Variants in RNF216 observed in about 807,000 individuals in gnomAD.
The protein encoded by RNF216 is ring finger protein 216.
Under a neutral mutation model 110.8 loss-of-function variants are expected in RNF216, and 72 were observed. The observed-to-expected ratio is 0.65, with a 90% confidence interval of 0.54 to 0.79. The LOEUF (loss-of-function observed/expected upper bound fraction) is 0.79, where lower values mean the gene tolerates loss of function less well. Ranked by LOEUF, RNF216 falls within the 30% of genes least tolerant of loss-of-function variation. The probability of loss-of-function intolerance (pLI) is 0.00; values close to 1 mark genes in which losing one functional copy is unlikely to be tolerated. For synonymous variants in RNF216, 495 were observed against 407.5 expected (o/e 1.21, Z -2.59); for missense variants, 1,342 against 1,141.2 (o/e 1.18, Z -2.54).
intron 1 of RNF216, among the ~76,000 whole-genome samples, chr7:5,763,594 C>A (rs1421818551): frequency 2.0e-5 from 3 of 151,958 alleles, no homozygotes; most frequent in African/African-American, 7.2e-5. Flanking sequence ...TCTTTTTGAG[C>A]CAGTCTCTCT....
chr7:5,743,218 T>C (rs1291926183), intron 3 of RNF216, among the ~76,000 whole-genome samples: 1 of 152,008 alleles, frequency 6.6e-6, no homozygotes, highest in African/African-American at 2.4e-5. Context: ...GCCAAGATGG[T>C]ACCACAGCAC....
intron 7 of RNF216, among the ~76,000 whole-genome samples, chr7:5,728,840 G>C (rs192170596): frequency 6.6e-6 from 1 of 152,208 alleles, no homozygotes; most frequent in Non-Finnish European, 1.5e-5. Context: ...CTGCTGGTGC[G>C]TGCGCTCCTG....
rs554768141 is a variant in RNF216, at chr7:5,710,329, C to T, written c.2061+1432G>A. On this transcript the variant is annotated intron_variant, in intron 13 of 16. Transcript: ENST00000389902. ...GAGCTGAGATCGTGCCACTGCACTC[C>T]AGCCTGGGCAACAGAGTGAGACCCT... Among the ~76,000 whole-genome samples, 52 of 151,106 alleles carry T rather than the reference C, an allele frequency of 3.4e-4. 1 individual carries two copies. The South Asian group carries it at 9.8e-3, about 29-fold the overall frequency.
In RNF216 at chr7:5,761,155, G is replaced by C. The variant is rs1195478424; in HGVS notation, c.-69-17C>G. 1.3e-6 allele frequency: 1 copy of C among 740,806 alleles called. No homozygotes were observed. Among genetic ancestry groups the C allele is most frequent in the African/African-American group, 1.9e-5 (1 of 53,866 alleles). The allele number at this position is 740,806 out of a possible 1,614,324, so 45.9% of individuals were successfully genotyped here. On this transcript the variant is annotated splice_polypyrimidine_tract_variant and intron_variant, in intron 1 of 16. Transcript: ENST00000389902. ...TCAAAAGAACTGAAAAGGAAGCAAA[G>C]AGTAACAGTAAGAATGAGGGAGTAT...
intron 1 of RNF216, among the ~76,000 whole-genome samples, chr7:5,768,724 C>T (rs1166052146): frequency 1.3e-5 from 2 of 149,044 alleles, no homozygotes; most frequent in African/African-American, 2.5e-5. Context: ...TGCAGTGGCT[C>T]GATCTTGGCT....
At chr7:5,763,499 A>T (rs1051904610) in intron 1 of RNF216, among the ~76,000 whole-genome samples, 1 of 152,066 alleles carries the variant, frequency 6.6e-6, no homozygotes, top group African/African-American at 2.4e-5. Flanking sequence ...GCGTGGTGGC[A>T]GGCACCTGTA....
intron 14 of RNF216, among the ~76,000 whole-genome samples, chr7:5,649,386 GAA>G (rs34613411): frequency 1.8e-4 from 26 of 146,950 alleles, no homozygotes; most frequent in African/African-American, 3.0e-4. Context: ...GTCTCCAAAG[GAA>G]AAAAAAAAAA....
intron 1 of RNF216, among the ~76,000 whole-genome samples, chr7:5,774,151 T>C (rs1263342159): frequency 6.7e-6 from 1 of 149,698 alleles, no homozygotes; most frequent in Non-Finnish European, 1.5e-5. Flanking sequence ...TCTTTTAATC[T>C]GGGCTTCGGA....
intron 13 of RNF216, among the ~76,000 whole-genome samples, chr7:5,669,688 T>G (rs1238514051): frequency 1.3e-5 from 2 of 151,716 alleles, no homozygotes; most frequent in Non-Finnish European, 1.5e-5. Flanking sequence ...AGGTCAGGAG[T>G]TTTGAGACCA....
chr7:5,769,043 TAATG>T (rs1267715095), intron 1 of RNF216, among the ~76,000 whole-genome samples: 1 of 151,264 alleles, frequency 6.6e-6, no homozygotes, highest in Non-Finnish European at 1.5e-5. Flanking sequence ...AACTGAAAGA[TAATG>T]AAAACAAAAT....
rs200074434 is a variant in RNF216, at chr7:5,679,195, G to GGTGGTGGT, written c.2062-26693_2062-26686dup. Among the ~76,000 whole-genome samples the GGTGGTGGT allele has an allele frequency of 1.8e-3, 276 of 152,238 alleles. 2 individuals are homozygous for GGTGGTGGT. Among genetic ancestry groups the GGTGGTGGT allele is most frequent in the Middle Eastern group, 0.01 (3 of 294 alleles). Reference sequence around the variant, plus strand: ...GATCCTGTCACCCTCGGGTAGGGGTGGTGGTGGTGCGGTGGCGGGGGGGCG... The same window carrying GGTGGTGGT: ...GATCCTGTCACCCTCGGGTAGGGGTGGTGGTGGTGTGGTGGTGCGGTGGCGGGGGGGCG... On this transcript the variant is annotated intron_variant, in intron 13 of 16. Transcript: ENST00000389902.
At chr7:5,653,661 A>G (rs902406877) in intron 13 of RNF216, among the ~76,000 whole-genome samples, 4 of 151,780 alleles carry the variant, frequency 2.6e-5, no homozygotes, top group African/African-American at 7.3e-5. Context: ...GATCACAGGC[A>G]TTAAATGGAA....
chr7:5,656,280 C>T (rs189783832), intron 13 of RNF216, among the ~76,000 whole-genome samples: 12 of 152,264 alleles, frequency 7.9e-5, no homozygotes, highest in African/African-American at 1.2e-4. Flanking sequence ...AACAAACAAA[C>T]AAAGTGCTGG....
At chr7:5,766,043 G>T (rs1796192566) in intron 1 of RNF216, among the ~76,000 whole-genome samples, 1 of 151,792 alleles carries the variant, frequency 6.6e-6, no homozygotes, top group Non-Finnish European at 1.5e-5. Flanking sequence ...CCAATCCTTG[G>T]GAGACCAAGG....
intron 7 of RNF216, among the ~76,000 whole-genome samples, chr7:5,727,298 CT>C (rs1793819784): frequency 6.6e-6 from 1 of 152,238 alleles, no homozygotes; most frequent in Non-Finnish European, 1.5e-5. Context: ...CCACCTCACC[CT>C]TATGACCACA....
At chr7:5,668,269 G>C (rs1789659291) in intron 13 of RNF216, among the ~76,000 whole-genome samples, 1 of 150,078 alleles carries the variant, frequency 6.7e-6, no homozygotes, top group African/African-American at 2.5e-5. Context: ...GTTGGCCCCG[G>C]CTGGAGTGCA....
chr7:5,781,552 G>T lies in RNF216; in HGVS notation c.-81C>A, dbSNP rs546890586. 6.6e-6 allele frequency: 1 copy of T among 152,088 alleles called. No individual in the cohort carries two copies. The highest frequency in any genetic ancestry group is 2.4e-5 in the African/African-American group (1 of 41,378). The allele number at this position is 152,088 out of a possible 1,614,324, so 9.4% of individuals were successfully genotyped here. A position where few individuals can be genotyped will look rare whatever the true frequency, so the allele number is the denominator to read the frequency against. Reference sequence around the variant, plus strand: ...CAGCCGACACTCACTCGTCACTCAAGTCGCCGGCTAGCCAGGCAGGTTCGG... The same window carrying T: ...CAGCCGACACTCACTCGTCACTCAATTCGCCGGCTAGCCAGGCAGGTTCGG... On this transcript the variant is annotated 5_prime_UTR_variant, in exon 1 of 17. Transcript: ENST00000389902.
intron 13 of RNF216, among the ~76,000 whole-genome samples, chr7:5,694,376 C>G (rs1403952547): frequency 6.6e-6 from 1 of 152,192 alleles, no homozygotes; most frequent in Non-Finnish European, 1.5e-5. Context: ...TGATTCAGAT[C>G]CAATGAGCTC....
intron 13 of RNF216, among the ~76,000 whole-genome samples, chr7:5,660,943 G>GTTTTGTTTTTTTTTT (rs1554352520): frequency 5.0e-4 from 45 of 90,152 alleles, no homozygotes; most frequent in African/African-American, 2.4e-3. Context: ...GAAGCCTTAG[G>GTTTTGTTTTTTTTTT]TTTTTTTTTT....
Sources: allele counts gnomAD v4.1 joint callset (sites outside exome capture counted in the v4.1 genomes callset), GRCh38; gene constraint gnomAD v4.1.1; transcripts MANE v1.5; gene names NCBI Gene and HGNC (gene_info 2026-07-23, HGNC 2026-07-21).